TRAT1: variants seen among roughly 807,000 people sequenced by gnomAD.
TRAT1 encodes T-cell receptor-associated transmembrane adapter 1.
TRAT1 carries 20 observed loss-of-function variants against 20.0 expected under a neutral mutation model. The ratio of observed to expected loss-of-function variants is 1.00; its 90% CI spans 0.70 to 1.45. The LOEUF is 1.45. Among genes scored for constraint, TRAT1 ranks in the 40% most tolerant of loss-of-function variants. The probability of loss-of-function intolerance (pLI) is 0.00; values close to 1 mark genes in which losing one functional copy is unlikely to be tolerated. For missense variants in TRAT1, 237 were observed against 224.1 expected (o/e 1.06, Z -0.37); for synonymous variants, 77 against 74.2 (o/e 1.04, Z -0.20).
rs192472563 is a variant in TRAT1 at position 108,835,025 on chromosome 3, C to G, written c.119-3909C>G. Among the ~76,000 whole-genome samples, 707 of 152,270 alleles carry G rather than the reference C, an allele frequency of 4.6e-3. 2 individuals are homozygous for G. The highest frequency in any genetic ancestry group is 0.016 in the African/African-American group (663 of 41,540). The stretch of plus-strand genomic sequence containing the variant: ...AATCCAAAAACTATTCTTTGTTTAA[C>G]TCTTCCTCTCTGGTTTGGAAAGAAG... On this transcript the variant is annotated intron_variant, in intron 2 of 5. Coordinates refer to ENST00000295756, the MANE Select transcript of TRAT1 (RefSeq NM_016388.4).
intron 4 of TRAT1, among the ~76,000 whole-genome samples, chr3:108,848,795 A>G (rs1207812430): frequency 2.6e-5 from 4 of 152,258 alleles, no homozygotes; most frequent in Non-Finnish European, 5.9e-5. Context: ...TTGTGGCACC[A>G]TGCACCATTT....
intron 3 of TRAT1, among the ~76,000 whole-genome samples, chr3:108,841,721 G>T (rs1365314040): frequency 6.6e-6 from 1 of 152,030 alleles, no homozygotes; most frequent in African/African-American, 2.4e-5. Context: ...TCAGAAACAT[G>T]ATCACTTTAA....
chr3:108,824,229 C>A (rs183914197), intron 1 of TRAT1, among the ~76,000 whole-genome samples: 169 of 152,268 alleles, frequency 1.1e-3, no homozygotes, highest in African/African-American at 3.5e-3. Flanking sequence ...AACTCTATAG[C>A]TTTTTCTGTA....
intron 3 of TRAT1, among the ~76,000 whole-genome samples, chr3:108,844,531 T>C (rs1405681753): frequency 6.8e-6 from 1 of 146,488 alleles, no homozygotes; most frequent in African/African-American, 2.7e-5. Context: ...AATATAAATG[T>C]AAAAAATAGG....
At chr3:108,849,123 T>G in intron 4 of TRAT1, 43 bp from the exon 5 acceptor site, 1 of 1,543,252 alleles carries the variant, frequency 6.5e-7, no homozygotes, top group Non-Finnish European at 8.9e-7. Flanking sequence ...TACTAGTATT[T>G]TTAAATTTTC....
At position 108,845,793 on chromosome 3, in the gene TRAT1, C is replaced by T. The variant is rs1297514946; in HGVS notation, c.153-1275C>T. 2.0e-5 allele frequency among the ~76,000 whole-genome samples: 3 copies of T among 151,822 alleles called. No homozygotes were observed. In the East Asian group the frequency reaches 5.8e-4, roughly 29 times the overall value. ...GCAGTCGGTACTATTTTATGAAATG[C>T]GACTCTCACCACCTGATAAGTTCCT... On this transcript the variant is annotated intron_variant, in intron 3 of 5. Coordinates refer to ENST00000295756, the MANE Select transcript of TRAT1 (RefSeq NM_016388.4).
chr3:108,850,872 C>T (rs1350894122), intron 5 of TRAT1, among the ~76,000 whole-genome samples: 1 of 152,184 alleles, frequency 6.6e-6, no homozygotes, highest in Non-Finnish European at 1.5e-5. Flanking sequence ...CTATTTAATA[C>T]ACATGACTTG....
intron 3 of TRAT1, among the ~76,000 whole-genome samples, chr3:108,843,629 A>G (rs1283389971): frequency 1.3e-5 from 2 of 152,160 alleles, no homozygotes; most frequent in African/African-American, 4.8e-5. Flanking sequence ...TTACAAGAAA[A>G]CTTGAAAGGT....
chr3:108,846,590 G>A (rs1044979169), intron 3 of TRAT1, among the ~76,000 whole-genome samples: 2 of 152,204 alleles, frequency 1.3e-5, no homozygotes, highest in East Asian at 1.9e-4. Flanking sequence ...GGTGAGTAAA[G>A]AGGCAGTACA....
Position 108,854,021 on chromosome 3 carries a change from A to G in TRAT1, c.*144A>G, listed in dbSNP as rs1946023871. 1.4e-6 allele frequency: 1 copy of G among 720,220 alleles called. No individual in the cohort carries two copies. The highest frequency in any genetic ancestry group is 2.4e-6 in the Non-Finnish European group (1 of 421,414). 44.6% of individuals were successfully genotyped at this position (720,220 alleles called of 1,614,324 possible). ...TGGGATGGTGGCTTACCTCTTATTC[A>G]CAGCTTACACTTATGCATGCCAAAT... is the stretch of plus-strand genomic sequence containing the variant. On this transcript the variant is annotated 3_prime_UTR_variant, in exon 6 of 6. Transcript: ENST00000295756.
chr3:108,836,132 A>G (rs561551559), intron 2 of TRAT1, among the ~76,000 whole-genome samples: 1 of 152,012 alleles, frequency 6.6e-6, no homozygotes, highest in Non-Finnish European at 1.5e-5. Flanking sequence ...TTTGGCCAGG[A>G]TAGTCCCGAT....
At chr3:108,838,340 G>A (rs1945857133) in intron 2 of TRAT1, among the ~76,000 whole-genome samples, 1 of 79,394 alleles carries the variant, frequency 1.3e-5, no homozygotes. Context: ...ATAGATAGAT[G>A]ATAGATATAG....
chr3:108,842,017 T>G (rs1324857271), intron 3 of TRAT1, among the ~76,000 whole-genome samples: 1 of 152,210 alleles, frequency 6.6e-6, no homozygotes, highest in African/African-American at 2.4e-5. Context: ...CAGAGGGTAG[T>G]TGACTAAAAA....
chr3:108,841,381 A>G (rs1422784193), intron 3 of TRAT1, among the ~76,000 whole-genome samples: 1 of 152,130 alleles, frequency 6.6e-6, no homozygotes, highest in Non-Finnish European at 1.5e-5. Context: ...GTGGTTTGGG[A>G]ACAAAAATCT....
At chr3:108,840,807 A>G (rs1481423439) in intron 3 of TRAT1, among the ~76,000 whole-genome samples, 1 of 152,238 alleles carries the variant, frequency 6.6e-6, no homozygotes, top group Non-Finnish European at 1.5e-5. Flanking sequence ...TGAGCTTATT[A>G]CTTACTCAGC....
rs1478017305 is a variant in TRAT1, at chr3:108,853,767, A to G, written c.451A>G (p.Thr151Ala). 6.2e-7 allele frequency: 1 copy of G among 1,614,134 alleles called. No homozygotes were observed. The part of the protein sequence containing the change: ...HAIDASVSKT[T>A]LVDSFSPESQ... ...AATAGATGCCAGCGTTTCTAAGACC[A>G]CCTTAGTAGACAGTTTCTCCCCAGA... Residue 151 changes from threonine to alanine, a missense_variant, in exon 6 of 6, where the codon ACC (threonine) becomes GCC (alanine). Physicochemically the swap from Thr to Ala is moderately conservative, Grantham distance 58 (BLOSUM62 0). Coordinates refer to ENST00000295756, the MANE Select transcript of TRAT1 (RefSeq NM_016388.4).
In TRAT1 at chr3:108,830,781, G is replaced by C; in HGVS notation, c.118+1G>C. ...CACTATGTGGAAAAGCAACGACAAG[G>C]TAAGACATTTTGACAAATTTCACAT... On this transcript the variant is annotated splice_donor_variant, in intron 2 of 5. Coordinates refer to ENST00000295756, the MANE Select transcript of TRAT1 (RefSeq NM_016388.4). LOFTEE classifies it high-confidence loss of function. The C allele has an allele frequency of 4.4e-6, 7 of 1,602,688 alleles. No homozygotes were observed. The highest frequency in any genetic ancestry group is 6.0e-6 in the Non-Finnish European group (7 of 1,169,764).
At chr3:108,832,538 T>C (rs1945804207) in intron 2 of TRAT1, among the ~76,000 whole-genome samples, 1 of 152,210 alleles carries the variant, frequency 6.6e-6, no homozygotes, top group Non-Finnish European at 1.5e-5. Context: ...TTGGCTATTT[T>C]AACTTCTTTA....
chr3:108,844,688 C>CA (rs1223484293), intron 3 of TRAT1, among the ~76,000 whole-genome samples: 4 of 150,596 alleles, frequency 2.7e-5, no homozygotes, highest in African/African-American at 9.7e-5. Context: ...ACTAAAAATA[C>CA]AAAAAATTAG....
Sources: allele counts gnomAD v4.1 joint callset (sites outside exome capture counted in the v4.1 genomes callset), GRCh38; gene constraint gnomAD v4.1.1; transcripts MANE v1.5; gene names NCBI Gene and HGNC (gene_info 2026-07-23, HGNC 2026-07-21).